The following ATP8A2 variants were observed in gnomAD, a reference collection of about 807,000 sequenced individuals.
The protein encoded by ATP8A2 is ATPase phospholipid transporting 8A2.
Under a neutral mutation model 165.6 loss-of-function variants are expected in ATP8A2, and 100 were observed. The observed-to-expected ratio is 0.60, with a 90% confidence interval of 0.51 to 0.71. The LOEUF (loss-of-function observed/expected upper bound fraction) is 0.71. ATP8A2 is among the 30% of genes least tolerant of loss of function. The pLI is 0.00. For synonymous variants in ATP8A2, 543 were observed against 548.8 expected, an observed-to-expected ratio of 0.99 and a Z score of 0.15; for missense variants, 1,227 against 1,479.5, an observed-to-expected ratio of 0.83 and a Z score of 2.80.
chr13:25,857,087 G>A (rs1952187332), intron 30 of ATP8A2, among the ~76,000 whole-genome samples: 1 of 152,028 alleles, frequency 6.6e-6, no homozygotes. Flanking sequence ...CTTTGCTGTG[G>A]TCCACATTTG....
At chr13:25,863,407 A>G (rs893294489) in intron 33 of ATP8A2, 1 of 152,142 alleles carries the variant, frequency 6.6e-6, no homozygotes, top group African/African-American at 2.4e-5. Flanking sequence ...CACTGGGCCA[A>G]AGGGGCAGCT....
chr13:25,986,210 G>T (rs889498767), intron 35 of ATP8A2, among the ~76,000 whole-genome samples: 1 of 152,082 alleles, frequency 6.6e-6, no homozygotes, highest in Non-Finnish European at 1.5e-5. Context: ...AGTTACCCTT[G>T]TGTGTGTGGT....
At chr13:25,604,693 A>G (rs951988004) in intron 24 of ATP8A2, among the ~76,000 whole-genome samples, 2 of 152,230 alleles carry the variant, frequency 1.3e-5, no homozygotes, top group Non-Finnish European at 2.9e-5. Context: ...CAAGCTCTTT[A>G]TAATCTAAGA....
rs1000553494 is a variant in ATP8A2, at chr13:25,372,056, C to G, written c.-157C>G. ...CGCTGCGGCACGGACGGCGCAGCCT[C>G]GGGCGCGGCCCGGCACAGGCGCCGG... On this transcript the variant is annotated 5_prime_UTR_variant, in exon 1 of 37. Coordinates refer to ENST00000381655, the MANE Select transcript of ATP8A2 (RefSeq NM_016529.6). The surrounding 1 kb of genome is among the most constrained non-coding windows in gnomAD (Gnocchi z 4.8). 5.8e-6 allele frequency: 2 copies of G among 342,598 alleles called. No homozygotes were observed. Among genetic ancestry groups the G allele is most frequent in the African/African-American group, 4.4e-5 (2 of 45,572 alleles). The allele number at this position is 342,598 out of a possible 1,614,324, so 21.2% of individuals were successfully genotyped here.
chr13:25,876,761 A>G (rs1593489448), intron 33 of ATP8A2, among the ~76,000 whole-genome samples: 2 of 152,216 alleles, frequency 1.3e-5, no homozygotes, highest in Non-Finnish European at 2.9e-5. Flanking sequence ...ATGAATCCTT[A>G]ATAAGAAAAA....
chr13:25,719,830 G>C (rs1023427097), intron 25 of ATP8A2, among the ~76,000 whole-genome samples: 3 of 152,214 alleles, frequency 2.0e-5, no homozygotes, highest in Admixed American at 6.5e-5. Context: ...CAGGCGAGCT[G>C]TGCCCAGAGC....
chr13:25,577,225 C>A (rs1707495001), intron 20 of ATP8A2, 87 bp downstream of exon 20: 1 of 1,131,210 alleles, frequency 8.8e-7, no homozygotes, highest in Non-Finnish European at 1.3e-6. Flanking sequence ...CCTCATCATT[C>A]CCTGATTGTT....
intron 2 of ATP8A2, among the ~76,000 whole-genome samples, chr13:25,503,931 G>A (rs2137717543): frequency 6.6e-6 from 1 of 152,272 alleles, no homozygotes; most frequent in East Asian, 1.9e-4. Flanking sequence ...AACTTCTCCA[G>A]TAGGATTTGG....
chr13:25,740,941 C>A (rs941333035), intron 25 of ATP8A2, among the ~76,000 whole-genome samples: 1 of 152,070 alleles, frequency 6.6e-6, no homozygotes, highest in African/African-American at 2.4e-5. Flanking sequence ...CCAATGGAAG[C>A]CAATCATTTA....
Position 25,371,988 on chromosome 13 carries a change from C to T in ATP8A2, c.-225C>T. 1 of 162,218 alleles carries T rather than the reference C, an allele frequency of 6.2e-6. No homozygotes were observed. The highest frequency in any genetic ancestry group is 6.4e-5 in the Admixed American group (1 of 15,616). The allele number at this position is 162,218 out of a possible 1,614,324, so 10.0% of individuals were successfully genotyped here. On this transcript the variant is annotated 5_prime_UTR_variant, in exon 1 of 37. Transcript: ENST00000381655. ...GCCCCCACGCCGCAGCCCGGGCCAGCGGGGCCCGCCGCGGTGGCGTTCGCG... is the reference window on the plus strand; with the variant it reads ...GCCCCCACGCCGCAGCCCGGGCCAGTGGGGCCCGCCGCGGTGGCGTTCGCG...
intron 24 of ATP8A2, among the ~76,000 whole-genome samples, chr13:25,676,527 C>T (rs2042375758): frequency 6.6e-6 from 1 of 152,102 alleles, no homozygotes; most frequent in Non-Finnish European, 1.5e-5. Context: ...CCTGGCCACA[C>T]ACTTTATTGC....
intron 28 of ATP8A2, among the ~76,000 whole-genome samples, chr13:25,831,569 G>A (rs754018202): frequency 1.1e-4 from 16 of 152,212 alleles, no homozygotes; most frequent in Non-Finnish European, 1.9e-4. Flanking sequence ...GAGGCCGGGC[G>A]TGTTGGCTCA....
intron 16 of ATP8A2, among the ~76,000 whole-genome samples, chr13:25,568,938 G>T (rs1361275208): frequency 6.6e-6 from 1 of 151,850 alleles, no homozygotes; most frequent in Non-Finnish European, 1.5e-5. Flanking sequence ...TTTATTTTAG[G>T]ATTTAAAAAA....
chr13:25,537,959 C>T (rs370976444), intron 6 of ATP8A2, 29 bp from the exon 7 acceptor site: 65 of 1,509,740 alleles, frequency 4.3e-5, no homozygotes, highest in Non-Finnish European at 3.9e-5. Flanking sequence ...TTCTTTCGTG[C>T]CCCTCTGTCC....
intron 25 of ATP8A2, among the ~76,000 whole-genome samples, chr13:25,704,794 G>C (rs1055214174): frequency 6.6e-6 from 1 of 152,122 alleles, no homozygotes; most frequent in Admixed American, 6.6e-5. Flanking sequence ...GGAAATAAAG[G>C]CCTCAGAAAA....
rs554054872 is a variant in ATP8A2 at position 25,990,161 on chromosome 13, A to G, written c.3377+21482A>G. Among the ~76,000 whole-genome samples the G allele has an allele frequency of 3.2e-4, 48 of 150,502 alleles. No homozygotes were observed. In the Middle Eastern group the frequency reaches 0.01, roughly 32 times the overall value. ...GCGTTTATACGTTGGCCCAGCCTAC[A>G]TTGACTCTTTCATCGCTTCACTTCT... is the stretch of plus-strand genomic sequence containing the variant. On this transcript the variant is annotated intron_variant, in intron 35 of 36. Coordinates refer to ENST00000381655, the MANE Select transcript of ATP8A2 (RefSeq NM_016529.6).
chr13:25,465,742 TCCCTCCCTCTC>T (rs1566153671), intron 1 of ATP8A2, among the ~76,000 whole-genome samples: 19 of 25,342 alleles, frequency 7.5e-4, no homozygotes, highest in South Asian at 1.9e-3. Context: ...TTTCTTTCCC[TCCCTCCCTCTC>T]TCTCTCTCTT....
intron 27 of ATP8A2, among the ~76,000 whole-genome samples, chr13:25,778,766 C>G (rs1488779451): frequency 6.6e-6 from 1 of 152,238 alleles, no homozygotes; most frequent in Admixed American, 6.5e-5. Context: ...CCTCTGCGAT[C>G]TGGGTTCCAA....
At chr13:25,481,880 T>C (rs890549753) in intron 2 of ATP8A2, among the ~76,000 whole-genome samples, 1 of 151,972 alleles carries the variant, frequency 6.6e-6, no homozygotes, top group Non-Finnish European at 1.5e-5. Context: ...ATCTTGAGGG[T>C]CCCACCCTCA....
Sources: allele counts gnomAD v4.1 joint callset (sites outside exome capture counted in the v4.1 genomes callset), GRCh38; gene constraint gnomAD v4.1.1; non-coding constraint Gnocchi (gnomAD v3.1); transcripts MANE v1.5; gene names NCBI Gene and HGNC (gene_info 2026-07-23, HGNC 2026-07-21).